SLC49A3: variants seen among roughly 807,000 people sequenced by gnomAD.
The protein encoded by SLC49A3 is solute carrier family 49 member A3.
A neutral mutation model predicts 43.8 loss-of-function variants in SLC49A3; 50 were observed. That is an observed-to-expected ratio of 1.14 (90% confidence interval 0.91 to 1.45). The LOEUF is 1.45. Among genes scored for constraint, SLC49A3 ranks in the 40% most tolerant of loss-of-function variants. SLC49A3 has a pLI of 0.00. For synonymous variants in SLC49A3, 413 were observed against 352.0 expected (o/e 1.17, Z -1.94); for missense variants, 906 against 774.1 (o/e 1.17, Z -2.02).
chr4:684,899 C>T (rs1740684096), intron 4 of SLC49A3, 43 bp from the exon 5 acceptor site: 4 of 1,587,070 alleles, frequency 2.5e-6, no homozygotes, highest in Non-Finnish European at 3.4e-6. Context: ...CGCAGACTGG[C>T]ACCCACACAC....
chr4:681,289 G>C, downstream of SLC49A3: 1 of 911,020 alleles, frequency 1.1e-6, no homozygotes, highest in Non-Finnish European at 1.7e-6. Flanking sequence ...CGAAGTGCCC[G>C]TCTGAGGGAC....
chr4:688,765 G>A (rs905724458), intron 1 of SLC49A3: 15 of 561,036 alleles, frequency 2.7e-5, no homozygotes, highest in Admixed American at 8.6e-5. Context: ...CTGGGACTCC[G>A]TGACTGGCAG....
chr4:681,998 C>T lies in SLC49A3; in HGVS notation c.1640G>A (p.Gly547Glu). 2 of 1,418,390 alleles carry T rather than the reference C, an allele frequency of 1.4e-6. No homozygotes were observed. Among genetic ancestry groups the T allele is most frequent in the Non-Finnish European group, 1.9e-6 (2 of 1,072,448 alleles). The allele number at this position is 1,418,390 out of a possible 1,614,324, so 87.9% of individuals were successfully genotyped here. ...VQASRFIDPA[G>E]SHSSFSSPWV... ...CGGGGAGGAGAAGGAGGAGTGAGAC[C>T]CAGCCGGGTCAATAAACCTGGACGC... is the stretch of plus-strand genomic sequence containing the variant. Residue 547 changes from glycine (G) to glutamate (E), a missense_variant, in exon 10 of 10, where the codon GGG becomes GAG. Gly to Glu is a moderately conservative substitution (Grantham distance 98, BLOSUM62 -2). Coordinates refer to ENST00000322224, the MANE Select transcript of SLC49A3 (RefSeq NM_032219.4).
intron 9 of SLC49A3, 150 bp from the exon 10 acceptor site, chr4:682,526 G>A (rs957997662): frequency 2.2e-6 from 2 of 917,190 alleles, no homozygotes; most frequent in Non-Finnish European, 2.9e-6. Flanking sequence ...CAGCCCTGAG[G>A]GGGTGTTTGC....
chr4:677,846 G>C (rs537182180), downstream of SLC49A3: 2 of 989,284 alleles, frequency 2.0e-6, no homozygotes, highest in Admixed American at 1.9e-5. Context: ...GCAAGGGTGT[G>C]AGTCACTGCC....
downstream of SLC49A3, chr4:678,860 A>C: frequency 1.2e-6 from 2 of 1,608,694 alleles, no homozygotes; most frequent in Non-Finnish European, 1.7e-6. Context: ...CAGGAGTGGA[A>C]GCCTATCCTC....
downstream of SLC49A3, chr4:681,716 C>T (rs1739657900): frequency 6.5e-6 from 1 of 153,758 alleles, no homozygotes; most frequent in Non-Finnish European, 1.1e-5. Flanking sequence ...CCCCCTCCAG[C>T]GCCGCCCCGC....
rs761275176 is a variant in SLC49A3, at chr4:684,687, C to G, written c.723+32G>C. 4 of 1,605,324 alleles carry G rather than the reference C, an allele frequency of 2.5e-6. No individual in the cohort carries two copies. In the African/African-American group the frequency reaches 5.4e-5, roughly 22 times the overall value. ...CAGCCTCTTGCCCCCACCCCCAAAT[C>G]CACCCTACCCCGGGGATCCCACGGC... is the stretch of plus-strand genomic sequence containing the variant. On this transcript the variant is annotated intron_variant, in intron 5 of 9. Coordinates refer to ENST00000322224, the MANE Select transcript of SLC49A3 (RefSeq NM_032219.4).
rs56891255 is a variant in SLC49A3, at chr4:684,781, T to A, written c.661A>T (p.Thr221Ser). ...CTGGCAGCCCCGGCAGAGGGCGGGG[T>A]GGGGGGCACACTCTCCCACAGGCAG... ...TICLWESVPP[T>S]PPSAGAASST... Residue 221 changes from threonine (T) to serine (S), a missense_variant, in exon 5 of 10, where the codon ACC (threonine) becomes TCC (serine). Transcript: ENST00000322224. 1.2e-6 allele frequency: 2 copies of A among 1,611,656 alleles called. No homozygotes were observed. Among genetic ancestry groups the A allele is most frequent in the Non-Finnish European group, 1.7e-6 (2 of 1,179,712 alleles).
intron 1 of SLC49A3, among the ~76,000 whole-genome samples, chr4:688,556 C>T (rs1008660196): frequency 4.6e-5 from 7 of 152,138 alleles, no homozygotes; most frequent in Non-Finnish European, 1.5e-5. Context: ...GGGGGCAGGA[C>T]GGAACCCAGC....
rs2109422998 is a variant in SLC49A3 at position 685,040 on chromosome 4, T to C, written c.586-184A>G. On this transcript the variant is annotated intron_variant, in intron 4 of 9. Coordinates refer to ENST00000322224, the MANE Select transcript of SLC49A3 (RefSeq NM_032219.4). The surrounding 1 kb of genome is among the most constrained non-coding windows in gnomAD (Gnocchi z 4.3). ...GGGAGGGGCCTGCTCCAGGGGCTCATGGGGACCCCTGGCTGTCAACGCATC... is the reference window on the plus strand; with the variant it reads ...GGGAGGGGCCTGCTCCAGGGGCTCACGGGGACCCCTGGCTGTCAACGCATC... The C allele has an allele frequency of 1.4e-6, 1 of 723,248 alleles. No homozygotes were observed. 44.8% of individuals were successfully genotyped at this position (723,248 alleles called of 1,614,324 possible). A position where few individuals can be genotyped will look rare whatever the true frequency, so the allele number is the denominator to read the frequency against.
In SLC49A3 at chr4:684,845, A is replaced by G. The variant is rs770519409; in HGVS notation, c.597T>C (p.Tyr199=). The change falls in exon 5 of 10, where the codon TAT becomes TAC. Residue 199 remains tyrosine (Y), a synonymous_variant. Transcript: ENST00000322224. ...GEDIPLMLGV[Y]TIPAGVVCLL... ...GGCAGACGACGCCAGCAGGGATGGT[A>G]TAGACACCGAGCTGGGGAGGGGTGT... 8.7e-6 allele frequency: 14 copies of G among 1,611,932 alleles called. No individual in the cohort carries two copies. The South Asian group carries it at 1.4e-4, about 16-fold the overall frequency.
chr4:677,802 T>G (rs1488206766), downstream of SLC49A3: 1 of 664,764 alleles, frequency 1.5e-6, no homozygotes, highest in Non-Finnish European at 2.7e-6. Flanking sequence ...CAGAGGTATC[T>G]GGGGAGGCTG....
chr4:678,899 G>GGGGGCGGGGCAGAGCCCAGCC, downstream of SLC49A3: 1 of 1,607,944 alleles, frequency 6.2e-7, no homozygotes. Context: ...ACCGGGAGCA[G>GGGGGCGGGGCAGAGCCCAGCC]GGGGCGGGGC....
chr4:684,679 C>T, intron 5 of SLC49A3, 40 bp downstream of exon 5: 1 of 1,605,594 alleles, frequency 6.2e-7, no homozygotes, highest in Non-Finnish European at 8.5e-7. Flanking sequence ...TTGCCCCCAC[C>T]CCCAAATCCA....
chr4:682,645 G>A (rs867481499), intron 9 of SLC49A3, 136 bp downstream of exon 9: 22 of 681,712 alleles, frequency 3.2e-5, no homozygotes, highest in Middle Eastern at 5.2e-4. Flanking sequence ...CCTATTGCCC[G>A]GGGACTCCCT....
chr4:678,760 AAGG>A (rs1739119637), downstream of SLC49A3: 2 of 1,610,308 alleles, frequency 1.2e-6, no homozygotes, highest in South Asian at 1.1e-5. Context: ...CCAGGAGTTC[AAGG>A]AGGTGAGACT....
Position 685,929 on chromosome 4 carries a change from C to T in SLC49A3, c.509-18G>A, listed in dbSNP as rs1740918569. The T allele has an allele frequency of 1.2e-6, 2 of 1,613,836 alleles. No homozygotes were observed. Among genetic ancestry groups the T allele is most frequent in the Non-Finnish European group, 1.7e-6 (2 of 1,179,974 alleles). ...AGGGTTCGCTGGGTGGGCGGATGCA[C>T]AAAGTGTCAGCTCGGCTGTGGCCTG... On this transcript the variant is annotated intron_variant, in intron 3 of 9. Coordinates refer to ENST00000322224, the MANE Select transcript of SLC49A3 (RefSeq NM_032219.4). This position sits in a 1 kb window ranked among gnomAD's most constrained non-coding sequence, Gnocchi z 4.3.
At chr4:678,633 C>G (rs1739103179), downstream of SLC49A3, 9 of 1,588,752 alleles carry the variant, frequency 5.7e-6, no homozygotes, top group East Asian at 1.8e-4. Context: ...GCCCAGGACC[C>G]TCAGCCATGG....
Sources: gnomAD v4.1 joint callset for allele counts (sites outside exome capture counted in the v4.1 genomes callset) on GRCh38, gnomAD v4.1.1 for gene constraint, Gnocchi (gnomAD v3.1) non-coding constraint, MANE v1.5 for transcripts, NCBI Gene and HGNC (gene_info 2026-07-23, HGNC 2026-07-21) for gene names.